Variants in PEBP4 observed in about 807,000 individuals in gnomAD.
The protein encoded by PEBP4 is phosphatidylethanolamine binding protein 4, also known as phosphatidylethanolamine-binding protein 4.
PEBP4 carries 22 observed loss-of-function variants against 23.9 expected under a neutral mutation model. That is an observed-to-expected ratio of 0.92 (90% confidence interval 0.66 to 1.31). The LOEUF is 1.31. Among genes scored for constraint, PEBP4 ranks in the 40% most tolerant of loss-of-function variants. PEBP4 has a pLI of 0.00. For synonymous variants in PEBP4, 112 were observed against 99.3 expected (o/e 1.13, Z -0.76); for missense variants, 324 against 281.7 (o/e 1.15, Z -1.07).
chr8:22,749,805 C>CTTTTTTTTTTTTTTTTTTTTT (rs71206545), intron 4 of PEBP4, among the ~76,000 whole-genome samples: 955 of 83,680 alleles, frequency 0.011, 184 homozygotes, highest in Middle Eastern at 0.028. Context: ...GTTTGTCATT[C>CTTTTTTTTTTTTTTTTTTTTT]TTTTTTTTTT....
chr8:22,889,677 CAGAAATATGTTTTTAT>C (rs1808453017), intron 3 of PEBP4, among the ~76,000 whole-genome samples: 2 of 8,634 alleles, frequency 2.3e-4, no homozygotes, highest in African/African-American at 3.1e-4. Flanking sequence ...TTATAAAGTG[CAGAAATATGTTTTTAT>C]AAAGTGCAGA....
intron 3 of PEBP4, among the ~76,000 whole-genome samples, chr8:22,881,504 T>C (rs1289883368): frequency 2.0e-5 from 3 of 152,226 alleles, no homozygotes; most frequent in South Asian, 4.1e-4. Flanking sequence ...ACCATCTCAC[T>C]CGCAGTTGTA....
intron 4 of PEBP4, among the ~76,000 whole-genome samples, chr8:22,787,952 C>G (rs187769488): frequency 6.6e-6 from 1 of 152,052 alleles, no homozygotes; most frequent in African/African-American, 2.4e-5. Context: ...GTTGATAACG[C>G]GTTGTGGATG....
intron 3 of PEBP4, among the ~76,000 whole-genome samples, chr8:22,873,823 CG>C (rs1404513285): frequency 2.0e-5 from 3 of 151,900 alleles, no homozygotes; most frequent in Non-Finnish European, 2.9e-5. Context: ...ATCGGGAGGT[CG>C]GGGGGAGTCC....
intron 4 of PEBP4, among the ~76,000 whole-genome samples, chr8:22,734,478 T>C (rs1035263332): frequency 6.6e-6 from 1 of 152,178 alleles, no homozygotes; most frequent in Non-Finnish European, 1.5e-5. Flanking sequence ...TCCAGAAATG[T>C]CCATATCAAA....
At chr8:22,903,678 T>C (rs1189665020) in intron 3 of PEBP4, among the ~76,000 whole-genome samples, 1 of 152,196 alleles carries the variant, frequency 6.6e-6, no homozygotes, top group Non-Finnish European at 1.5e-5. Context: ...AAATTCCAAC[T>C]TGTAGCTGCC....
intron 3 of PEBP4, among the ~76,000 whole-genome samples, chr8:22,877,122 T>G (rs2457438): frequency 6.6e-6 from 1 of 152,152 alleles, no homozygotes; most frequent in Middle Eastern, 3.2e-3. Flanking sequence ...GGTCTTTTCT[T>G]TCCTCCTCAA....
intron 4 of PEBP4, among the ~76,000 whole-genome samples, chr8:22,733,125 T>C (rs189905145): frequency 5.3e-4 from 80 of 152,208 alleles, no homozygotes; most frequent in Non-Finnish European, 9.9e-4. Flanking sequence ...TCTCACAACA[T>C]CCCATTCAGA....
chr8:22,919,646 T>C (rs185860058), intron 3 of PEBP4, among the ~76,000 whole-genome samples: 54 of 152,316 alleles, frequency 3.5e-4, no homozygotes, highest in African/African-American at 1.3e-3. Context: ...TTACACAACT[T>C]TGGGCAAAAG....
intron 4 of PEBP4, among the ~76,000 whole-genome samples, chr8:22,811,409 G>A (rs562336565): frequency 2.0e-5 from 3 of 152,290 alleles, no homozygotes; most frequent in South Asian, 2.1e-4. Flanking sequence ...ATAATATTCC[G>A]CTTTGTAGCA....
At chr8:22,841,888 C>T (rs924371176) in intron 3 of PEBP4, among the ~76,000 whole-genome samples, 3 of 152,224 alleles carry the variant, frequency 2.0e-5, no homozygotes, top group Non-Finnish European at 4.4e-5. Flanking sequence ...CCATCGTAGG[C>T]CTGCCTAGGA....
chr8:22,934,715 C>G (rs1279271848), intron 1 of PEBP4, among the ~76,000 whole-genome samples: 1 of 152,090 alleles, frequency 6.6e-6, no homozygotes, highest in Non-Finnish European at 1.5e-5. Context: ...CTAAAACATA[C>G]AGAAAACAAA....
In PEBP4 at chr8:22,927,673, C is replaced by T. The variant is rs778845368; in HGVS notation, c.42G>A (p.Leu14=). ...TMRLVTAALL[L]GLMMVVTGDE... is the part of the protein sequence containing the mutation. ...CTCCAGTGACCACCATCATGAGACC[C>T]AGTAACAGTGCTGCTGTGACCAGCC... Residue 14 remains leucine (L), a synonymous_variant, in exon 2 of 7, where the codon CTG becomes CTA. Coordinates refer to ENST00000256404, the MANE Select transcript of PEBP4 (RefSeq NM_144962.3). 2.5e-6 allele frequency: 4 copies of T among 1,614,006 alleles called. No individual in the cohort carries two copies. The Admixed American group carries it at 6.7e-5, about 27-fold the overall frequency.
chr8:22,939,329 T>C (rs928326833), intron 1 of PEBP4, among the ~76,000 whole-genome samples: 55 of 152,130 alleles, frequency 3.6e-4, no homozygotes, highest in Non-Finnish European at 2.8e-4. Context: ...CCCTTACACC[T>C]GCCTTGCATG....
chr8:22,729,765 T>C (rs66865732), intron 4 of PEBP4, among the ~76,000 whole-genome samples: 21,428 of 152,200 alleles, frequency 0.14, 1,934 homozygotes, highest in Middle Eastern at 0.21. Context: ...TGGTCCTCAC[T>C]GGCAGAAAGA....
intron 6 of PEBP4, among the ~76,000 whole-genome samples, chr8:22,723,499 A>C (rs1804560476): frequency 6.6e-6 from 1 of 151,850 alleles, no homozygotes; most frequent in Admixed American, 6.6e-5. Context: ...CCGGAGTCTC[A>C]TGGTGGGGCT....
rs1032610709 is a variant in PEBP4 at position 22,854,953 on chromosome 8, T to C, written c.259-37218A>G. ...GTGTGTGTGTGTGTGTGTGTGTGTGTGTGCGTGCAAGCTTGTCCAAATGAG... is the reference window on the plus strand; with the variant it reads ...GTGTGTGTGTGTGTGTGTGTGTGTGCGTGCGTGCAAGCTTGTCCAAATGAG... On this transcript the variant is annotated intron_variant, in intron 3 of 6. Transcript: ENST00000256404. Among the ~76,000 whole-genome samples, 247 of 137,262 alleles carry C rather than the reference T, an allele frequency of 1.8e-3. 1 individual carries two copies. Among genetic ancestry groups the C allele is most frequent in the South Asian group, 3.2e-3 (14 of 4,316 alleles). The allele number at this position is 137,262 out of a possible 152,430, so 90.0% of individuals were successfully genotyped here.
intron 4 of PEBP4, among the ~76,000 whole-genome samples, chr8:22,729,211 A>G (rs1804682631): frequency 6.6e-6 from 1 of 152,202 alleles, no homozygotes; most frequent in African/African-American, 2.4e-5. Context: ...ACAGATGCCT[A>G]GCAGCCACTC....
chr8:22,901,270 C>T (rs1397255597), intron 3 of PEBP4, among the ~76,000 whole-genome samples: 2 of 152,210 alleles, frequency 1.3e-5, no homozygotes, highest in South Asian at 2.1e-4. Context: ...GGGAAGCAAG[C>T]GAAGACAGTG....
Sources: allele counts gnomAD v4.1 joint callset (sites outside exome capture counted in the v4.1 genomes callset), GRCh38; gene constraint gnomAD v4.1.1; transcripts MANE v1.5; gene names NCBI Gene and HGNC (gene_info 2026-07-23, HGNC 2026-07-21).